Variants in RMST observed in about 807,000 individuals in gnomAD.
RMST encodes rhabdomyosarcoma 2 associated transcript.
At chr12:97,523,979 A>G (rs1172139184) in intron 10 of RMST, among the ~76,000 whole-genome samples, 7 of 147,580 alleles carry the variant, frequency 4.7e-5, no homozygotes, top group Non-Finnish European at 7.5e-5. Context: ...GGGAGACTGA[A>G]GCGGGAGAAT....
chr12:97,519,152 C>T (rs1294512058), intron 10 of RMST, among the ~76,000 whole-genome samples: 1 of 152,186 alleles, frequency 6.6e-6, no homozygotes. Flanking sequence ...ACATCTTCAT[C>T]ACACATTTGG....
At chr12:97,522,883 G>A (rs1880663264) in intron 10 of RMST, among the ~76,000 whole-genome samples, 1 of 152,202 alleles carries the variant, frequency 6.6e-6, no homozygotes, top group South Asian at 2.1e-4. Context: ...TGGATTATGG[G>A]CTTTAGGATT....
chr12:97,556,324 C>T (rs1358845184), intron 11 of RMST, among the ~76,000 whole-genome samples: 3 of 152,138 alleles, frequency 2.0e-5, no homozygotes, highest in African/African-American at 7.2e-5. Flanking sequence ...AGTCCAAATG[C>T]AGCAGACATA....
chr12:97,519,794 A>G (rs956114517), intron 10 of RMST, among the ~76,000 whole-genome samples: 4 of 152,204 alleles, frequency 2.6e-5, no homozygotes, highest in African/African-American at 9.6e-5. Context: ...ACCAGCTTAT[A>G]TAATTTGGTT....
chr12:97,515,238 A>C (rs888903855), intron 10 of RMST, among the ~76,000 whole-genome samples: 1 of 152,080 alleles, frequency 6.6e-6, no homozygotes, highest in Non-Finnish European at 1.5e-5. Context: ...AACTAAACCA[A>C]ATATTCATGT....
intron 11 of RMST, among the ~76,000 whole-genome samples, chr12:97,538,261 T>C (rs889224797): frequency 2.0e-5 from 3 of 151,584 alleles, no homozygotes; most frequent in Admixed American, 6.6e-5. Context: ...TCTTTAATCA[T>C]TTAAAAATGG....
intron 10 of RMST, among the ~76,000 whole-genome samples, chr12:97,513,434 C>T (rs1879622510): frequency 6.6e-6 from 1 of 152,202 alleles, no homozygotes. Context: ...TATTCCTACA[C>T]TCATTTCTAA....
chr12:97,495,812 G>A (rs2136462384), intron 9 of RMST: 1 of 152,216 alleles, frequency 6.6e-6, no homozygotes, highest in South Asian at 2.1e-4. Context: ...TGACAACTTT[G>A]GGGAGCACAG....
rs57312651 is a variant in RMST, at chr12:97,490,547, A to G, written n.645-1914A>G. On this transcript the variant is annotated intron_variant and non_coding_transcript_variant, in intron 5 of 13. Coordinates refer to ENST00000640149, the Ensembl canonical transcript of RMST. ...TAGGACAGTGCCTGGCACATAGTCA[A>G]GTATCATAAGGATGTTTGCTATTTC... Among the ~76,000 whole-genome samples the G allele has an allele frequency of 6.4e-3, 980 of 152,302 alleles. 7 individuals carry two copies. The highest frequency in any genetic ancestry group is 0.019 in the African/African-American group (806 of 41,554).
At chr12:97,509,826 T>TGTGATAGGCATTTTTTTGG (rs1440706756) in intron 10 of RMST, among the ~76,000 whole-genome samples, 1 of 152,214 alleles carries the variant, frequency 6.6e-6, no homozygotes, top group Non-Finnish European at 1.5e-5. Flanking sequence ...ATGTCTGTTG[T>TGTGATAGGCATTTTTTTGG]GTGATAGGCA....
At chr12:97,512,300 C>T (rs1879431955) in intron 10 of RMST, among the ~76,000 whole-genome samples, 2 of 152,040 alleles carry the variant, frequency 1.3e-5, no homozygotes, top group Admixed American at 1.3e-4. Context: ...GCAGTGGGGA[C>T]CCAAAGAGTG....
intron 5 of RMST, chr12:97,491,688 T>A: frequency 4.0e-6 from 1 of 249,098 alleles, no homozygotes; most frequent in Non-Finnish European, 8.7e-6. Flanking sequence ...ATCAAGTATT[T>A]CGATACCCAT....
chr12:97,562,260 C>T (rs1320298083), intron 13 of RMST, among the ~76,000 whole-genome samples: 1 of 152,212 alleles, frequency 6.6e-6, no homozygotes, highest in Non-Finnish European at 1.5e-5. Flanking sequence ...TATCCACATT[C>T]TTGATGCTAC....
At chr12:97,503,401 G>C (rs571007434) in intron 10 of RMST, among the ~76,000 whole-genome samples, 110 of 150,132 alleles carry the variant, frequency 7.3e-4, no homozygotes, top group Non-Finnish European at 1.3e-3. Context: ...TCTATAGTGA[G>C]ATTAGAGAAT....
intron 10 of RMST, among the ~76,000 whole-genome samples, chr12:97,526,717 A>G (rs927419038): frequency 3.3e-5 from 5 of 152,154 alleles, no homozygotes; most frequent in Non-Finnish European, 7.4e-5. Context: ...TACTATTATT[A>G]TTGTTGTTGT....
chr12:97,558,496 T>C (rs1018259070), intron 11 of RMST, among the ~76,000 whole-genome samples: 4 of 152,228 alleles, frequency 2.6e-5, no homozygotes, highest in African/African-American at 9.6e-5. Context: ...AAAGATATTT[T>C]TGTGAGTAAC....
chr12:97,467,151 A>T (rs940026508), intron 5 of RMST, among the ~76,000 whole-genome samples: 1 of 152,056 alleles, frequency 6.6e-6, no homozygotes, highest in Non-Finnish European at 1.5e-5. Context: ...TAAAAAGTGC[A>T]TGTAAATATG....
intron 10 of RMST, among the ~76,000 whole-genome samples, chr12:97,507,389 A>G (rs1021700096): frequency 6.6e-6 from 1 of 152,020 alleles, no homozygotes; most frequent in African/African-American, 2.4e-5. Context: ...ATTATTTTCC[A>G]GCCTCCAAAA....
Position 97,490,322 on chromosome 12 carries a change from C to T in RMST, n.645-2139C>T, listed in dbSNP as rs1051137516. Among the ~76,000 whole-genome samples, 5 of 152,166 alleles carry T rather than the reference C, an allele frequency of 3.3e-5. No individual in the cohort carries two copies. The East Asian group carries it at 5.8e-4, about 18-fold the overall frequency. On this transcript the variant is annotated intron_variant and non_coding_transcript_variant, in intron 5 of 13. Coordinates refer to ENST00000640149, the Ensembl canonical transcript of RMST. Reference sequence around the variant, plus strand: ...TTCAACACTGTGGCTAGGCCAAGCACGGCACCATCTAAGAGAAAACAGACA... The same window carrying T: ...TTCAACACTGTGGCTAGGCCAAGCATGGCACCATCTAAGAGAAAACAGACA...
Sources: gnomAD v4.1 joint callset for allele counts (sites outside exome capture counted in the v4.1 genomes callset) on GRCh38, gnomAD v4.1.1 for gene constraint, MANE v1.5 for transcripts, NCBI Gene and HGNC (gene_info 2026-07-23, HGNC 2026-07-21) for gene names.